The following KANSL3 variants were observed in gnomAD, a reference collection of about 807,000 sequenced individuals.
KANSL3 encodes the protein KAT8 regulatory NSL complex subunit 3.
In KANSL3, 16 loss-of-function variants were observed where a neutral mutation model predicts 89.2. The ratio of observed to expected loss-of-function variants is 0.18; its 90% confidence interval spans 0.12 to 0.27. KANSL3 has a LOEUF of 0.27. KANSL3 is among the 10% of genes least tolerant of loss of function. KANSL3 has a pLI of 1.00. For synonymous variants in KANSL3, 385 were observed against 419.7 expected (o/e 0.92, Z 1.01); for missense variants, 879 against 1,110.6 (o/e 0.79, Z 2.96).
intron 20 of KANSL3, chr2:96,598,080 C>T (rs192006292): frequency 1.3e-5 from 13 of 985,126 alleles, no homozygotes; most frequent in African/African-American, 3.5e-5. Flanking sequence ...AGACGGATTA[C>T]CTAACACAGG....
the KANSL3 span, among the ~76,000 whole-genome samples, chr2:96,587,896 G>A: frequency 1.3e-5 from 2 of 152,118 alleles, no homozygotes; most frequent in African/African-American, 4.8e-5. Context: ...AGGCTCAACA[G>A]CAGAACAGAA....
At chr2:96,582,261 G>A in the KANSL3 span, among the ~76,000 whole-genome samples, 1 of 152,114 alleles carries the variant, frequency 6.6e-6, no homozygotes, top group Non-Finnish European at 1.5e-5. Context: ...AGCCGGGCAT[G>A]GTGGCACACG....
chr2:96,602,447 C>G (rs2067318961), intron 18 of KANSL3, 109 bp from the exon 19 acceptor site: 2 of 787,054 alleles, frequency 2.5e-6, no homozygotes, highest in Non-Finnish European at 4.2e-6. Flanking sequence ...TGAGTGCCTA[C>G]TACATGCAAG....
chr2:96,635,291 T>C (rs892134595), intron 2 of KANSL3, among the ~76,000 whole-genome samples: 9 of 152,352 alleles, frequency 5.9e-5, no homozygotes, highest in Admixed American at 3.3e-4. Flanking sequence ...CTCCCACTTA[T>C]ACCCCTACTG....
intron 3 of KANSL3, 42 bp from the exon 4 acceptor site, chr2:96,619,804 AC>A: frequency 2.1e-6 from 3 of 1,452,912 alleles, no homozygotes; most frequent in Non-Finnish European, 2.8e-6. Context: ...AACCCTGGGG[AC>A]GCTCCCCATG....
In KANSL3 at chr2:96,608,451, T is replaced by C. The variant is rs7570831; in HGVS notation, c.1741+57A>G. 7,341 of 1,574,826 alleles carry C rather than the reference T, an allele frequency of 4.7e-3. 318 individuals carry two copies. In the African/African-American group the frequency reaches 0.087, roughly 19 times the overall value. ...AGATATCAATACTGTGCAACTGCCA[T>C]GTGACATGAACTACAGAAGACAGAC... On this transcript the variant is annotated intron_variant, in intron 14 of 20. Transcript: ENST00000431828.
chr2:96,582,397 CAA>C, the KANSL3 span, among the ~76,000 whole-genome samples: 2 of 139,758 alleles, frequency 1.4e-5, no homozygotes. Context: ...GACTCTGTCT[CAA>C]AAAAAAAAAA....
chr2:96,634,725 AAATG>A (rs985385776), intron 2 of KANSL3, among the ~76,000 whole-genome samples: 2 of 152,228 alleles, frequency 1.3e-5, no homozygotes, highest in Admixed American at 6.5e-5. Flanking sequence ...TTATGAAATG[AAATG>A]AAATCATGTG....
At chr2:96,589,159 T>G (rs950618199), downstream of KANSL3, among the ~76,000 whole-genome samples, 14 of 151,714 alleles carry the variant, frequency 9.2e-5, no homozygotes, top group African/African-American at 3.4e-4. Flanking sequence ...GGCAGGAAAA[T>G]GAAAACAAAA....
downstream of KANSL3, among the ~76,000 whole-genome samples, chr2:96,589,547 T>C (rs187526128): frequency 1.2e-4 from 19 of 152,278 alleles, no homozygotes; most frequent in South Asian, 4.1e-4. Flanking sequence ...GAAAAATATG[T>C]GTAATAAAAA....
rs1298642811 is a variant in KANSL3, at chr2:96,628,133, G to A, written c.386+3179C>T. The A allele has an allele frequency of 1.1e-5, 14 of 1,289,820 alleles. No homozygotes were observed. The East Asian group carries it at 5.0e-4, about 46-fold the overall frequency. The allele number at this position is 1,289,820 out of a possible 1,614,324, so 79.9% of individuals were successfully genotyped here. Reference sequence around the variant, plus strand: ...AAGAATCTGTCAGTGTTTCTCTAAAGGACAGGCAGGAGAAGGTGCACACTG... The same window carrying A: ...AAGAATCTGTCAGTGTTTCTCTAAAAGACAGGCAGGAGAAGGTGCACACTG... On this transcript the variant is annotated intron_variant, in intron 3 of 20. Transcript: ENST00000431828.
chr2:96,614,566 T>C (rs1471719752), intron 5 of KANSL3, among the ~76,000 whole-genome samples: 1 of 149,350 alleles, frequency 6.7e-6, no homozygotes, highest in East Asian at 2.0e-4. Flanking sequence ...AGGTCAGGAG[T>C]TCGAGATAAG....
At chr2:96,588,443 G>T (rs1333856641), downstream of KANSL3, among the ~76,000 whole-genome samples, 1 of 152,144 alleles carries the variant, frequency 6.6e-6, no homozygotes, top group Non-Finnish European at 1.5e-5. Context: ...AAAATTAAAA[G>T]AATGTGTTGC....
chr2:96,585,125 AAAAT>A, the KANSL3 span, among the ~76,000 whole-genome samples: 2 of 152,228 alleles, frequency 1.3e-5, no homozygotes, highest in Non-Finnish European at 2.9e-5. Flanking sequence ...AACAAGAACA[AAAAT>A]AAATAGATGG....
chr2:96,583,175 C>T, the KANSL3 span, among the ~76,000 whole-genome samples: 1 of 152,220 alleles, frequency 6.6e-6, no homozygotes, highest in Admixed American at 6.5e-5. Context: ...TTTACTCTAT[C>T]TAAGTGTCAC....
At chr2:96,607,954 A>G (rs1558684654) in intron 14 of KANSL3, among the ~76,000 whole-genome samples, 1 of 152,186 alleles carries the variant, frequency 6.6e-6, no homozygotes, top group Non-Finnish European at 1.5e-5. Context: ...TCCCTACCCA[A>G]TGAACTCTCC....
intron 20 of KANSL3, among the ~76,000 whole-genome samples, chr2:96,595,916 TC>T (rs1006268159): frequency 5.9e-5 from 9 of 152,320 alleles, no homozygotes; most frequent in Admixed American, 3.3e-4. Flanking sequence ...GCATCTACTT[TC>T]CAGGGTCACC....
intron 15 of KANSL3, 38 bp downstream of exon 15, chr2:96,605,282 G>A: frequency 1.3e-6 from 2 of 1,556,912 alleles, no homozygotes; most frequent in Non-Finnish European, 1.8e-6. Context: ...GTACCTGAGA[G>A]AGCTCAGTTC....
rs1435310918 is a variant in KANSL3 at position 96,612,671 on chromosome 2, ATTAGAGGAGGCTCCACATGAAAGAAGGG to A, written c.912+119_913-109del. 3.6e-5 allele frequency: 41 copies of A among 1,147,250 alleles called. No homozygotes were observed. In the Admixed American group the frequency reaches 4.7e-4, roughly 13 times the overall value. The allele number at this position is 1,147,250 out of a possible 1,614,324, so 71.1% of individuals were successfully genotyped here. ...CCTTGGAATTCCACATGAAAGAAGGATTAGAGGAGGCTCCACATGAAAGAAGGGTTAGAGGAGGCTCCACATTCAAGTT... is the reference window on the plus strand; with the variant it reads ...CCTTGGAATTCCACATGAAAGAAGGATTAGAGGAGGCTCCACATTCAAGTT... On this transcript the variant is annotated intron_variant, in intron 7 of 20. Coordinates refer to ENST00000431828, the MANE Select transcript of KANSL3 (RefSeq NM_001115016.3).
Sources: allele counts gnomAD v4.1 joint callset (sites outside exome capture counted in the v4.1 genomes callset), GRCh38; gene constraint gnomAD v4.1.1; transcripts MANE v1.5; gene names NCBI Gene and HGNC (gene_info 2026-07-23, HGNC 2026-07-21).